NKAIN2: variants seen among roughly 807,000 people sequenced by gnomAD.
NKAIN2 encodes sodium/potassium-transporting ATPase subunit beta-1-interacting protein 2.
A neutral mutation model predicts 32.6 loss-of-function variants in NKAIN2; 14 were observed. The ratio of observed to expected loss-of-function variants is 0.43; its 90% CI spans 0.28 to 0.67. NKAIN2 has a LOEUF of 0.67. NKAIN2 is among the 30% of genes least tolerant of loss of function. The pLI is 0.17. For missense variants in NKAIN2, 198 were observed against 258.3 expected (o/e 0.77, Z 1.60); for synonymous variants, 80 against 87.2 (o/e 0.92, Z 0.46).
chr6:123,831,454 CT>C (rs34291249), intron 1 of NKAIN2, among the ~76,000 whole-genome samples: 49 of 144,672 alleles, frequency 3.4e-4, no homozygotes, highest in Admixed American at 4.1e-4. Flanking sequence ...AGTTTTAACT[CT>C]TTTTTTTTTT....
chr6:123,994,024 A>C (rs7766578), intron 1 of NKAIN2, among the ~76,000 whole-genome samples: 83,027 of 151,786 alleles, frequency 0.55, 24,444 homozygotes, highest in African/African-American at 0.76. Context: ...AGCCAGATTG[A>C]CCACAGCCAT....
chr6:123,956,175 T>C (rs1415252710), intron 1 of NKAIN2, among the ~76,000 whole-genome samples: 2 of 152,040 alleles, frequency 1.3e-5, no homozygotes, highest in Admixed American at 1.3e-4. Context: ...CTTGGGAGAA[T>C]AGAAGGAAAA....
intron 1 of NKAIN2, among the ~76,000 whole-genome samples, chr6:124,228,663 A>C (rs1229687125): frequency 6.6e-6 from 1 of 152,144 alleles, no homozygotes; most frequent in Non-Finnish European, 1.5e-5. Flanking sequence ...GCTGCAGTCT[A>C]TGCTGAGGTC....
intron 1 of NKAIN2, among the ~76,000 whole-genome samples, chr6:124,262,981 C>T (rs930424217): frequency 6.6e-6 from 1 of 152,118 alleles, no homozygotes; most frequent in Non-Finnish European, 1.5e-5. Flanking sequence ...AGGGATATTA[C>T]AAGTATTAAA....
chr6:123,911,491 G>A (rs1018820365), intron 1 of NKAIN2, among the ~76,000 whole-genome samples: 1 of 151,998 alleles, frequency 6.6e-6, no homozygotes, highest in East Asian at 2.0e-4. Context: ...CCTTGAAAAT[G>A]GCACCAAGCC....
chr6:123,854,673 T>C (rs62436072), intron 1 of NKAIN2, among the ~76,000 whole-genome samples: 2,942 of 152,274 alleles, frequency 0.019, 49 homozygotes, highest in Non-Finnish European at 0.031. Context: ...AGATTAGCCT[T>C]AGAGTACATA....
At chr6:124,222,981 A>G (rs549923939) in intron 1 of NKAIN2, among the ~76,000 whole-genome samples, 1 of 152,032 alleles carries the variant, frequency 6.6e-6, no homozygotes, top group South Asian at 2.1e-4. Flanking sequence ...AGAGACCCCA[A>G]GGCAGGCAGA....
chr6:124,316,155 T>A (rs1796941367), intron 2 of NKAIN2, among the ~76,000 whole-genome samples: 1 of 152,106 alleles, frequency 6.6e-6, no homozygotes, highest in African/African-American at 2.4e-5. Context: ...AAATGATACA[T>A]GTTTAAGGTA....
At chr6:124,809,464 C>A (rs1187385906) in intron 5 of NKAIN2, among the ~76,000 whole-genome samples, 8 of 145,644 alleles carry the variant, frequency 5.5e-5, no homozygotes, top group African/African-American at 1.6e-4. Flanking sequence ...CTTCCTTACA[C>A]CTTATACAAA....
intron 2 of NKAIN2, among the ~76,000 whole-genome samples, chr6:124,348,447 C>T (rs1279340699): frequency 2.6e-5 from 4 of 152,232 alleles, no homozygotes; most frequent in African/African-American, 9.6e-5. Flanking sequence ...GTGGAGCCTA[C>T]AGAGGCAGGC....
intron 1 of NKAIN2, among the ~76,000 whole-genome samples, chr6:124,219,859 A>T (rs546368427): frequency 2.0e-5 from 3 of 152,300 alleles, no homozygotes; most frequent in East Asian, 1.9e-4. Context: ...ATATACTAAC[A>T]AATTAAAAAT....
At chr6:124,608,844 G>C (rs1329292532) in intron 3 of NKAIN2, among the ~76,000 whole-genome samples, 3 of 152,168 alleles carry the variant, frequency 2.0e-5, no homozygotes, top group Non-Finnish European at 2.9e-5. Context: ...ACCACAGGCA[G>C]ATGCCTGTGG....
chr6:123,816,158 G>A (rs181792486), intron 1 of NKAIN2, among the ~76,000 whole-genome samples: 11 of 152,108 alleles, frequency 7.2e-5, no homozygotes, highest in Admixed American at 6.6e-4. Context: ...AATATATGTG[G>A]GACAATGAAG....
At chr6:123,831,493 T>G (rs1222013998) in intron 1 of NKAIN2, among the ~76,000 whole-genome samples, 6 of 151,454 alleles carry the variant, frequency 4.0e-5, no homozygotes, top group Non-Finnish European at 7.4e-5. Flanking sequence ...TTTTTTTGTG[T>G]TGTTGTTGTT....
intron 3 of NKAIN2, among the ~76,000 whole-genome samples, chr6:124,526,503 C>A (rs1361583223): frequency 2.0e-5 from 3 of 151,980 alleles, no homozygotes; most frequent in Non-Finnish European, 2.9e-5. Flanking sequence ...AGAGGGCCAA[C>A]CCCCACCCTC....
intron 1 of NKAIN2, among the ~76,000 whole-genome samples, chr6:123,975,797 TC>T (rs1778540212): frequency 6.6e-6 from 1 of 151,880 alleles, no homozygotes; most frequent in Non-Finnish European, 1.5e-5. Flanking sequence ...AGGCCCTACC[TC>T]CTTTCACCGT....
intron 3 of NKAIN2, among the ~76,000 whole-genome samples, chr6:124,440,318 A>G (rs1418924452): frequency 6.6e-6 from 1 of 152,072 alleles, no homozygotes; most frequent in Non-Finnish European, 1.5e-5. Flanking sequence ...TTACCTGGGC[A>G]TAAGTTGCAA....
intron 2 of NKAIN2, among the ~76,000 whole-genome samples, chr6:124,329,996 T>A (rs1442332958): frequency 1.3e-5 from 2 of 152,192 alleles, no homozygotes; most frequent in Non-Finnish European, 2.9e-5. Flanking sequence ...ATGCAAGGGA[T>A]CCAATGTAAT....
intron 3 of NKAIN2, among the ~76,000 whole-genome samples, chr6:124,373,084 TA>T (rs200159190): frequency 0.013 from 1,987 of 152,290 alleles, 45 homozygotes; most frequent in African/African-American, 0.045. Context: ...TGCATTAGTC[TA>T]AGTTAGAGAT....
Sources: allele counts gnomAD v4.1 joint callset (sites outside exome capture counted in the v4.1 genomes callset), GRCh38; gene constraint gnomAD v4.1.1; transcripts MANE v1.5; gene names NCBI Gene and HGNC (gene_info 2026-07-23, HGNC 2026-07-21).